Variants in ZNF385B observed in about 807,000 individuals in gnomAD.
The protein encoded by ZNF385B is zinc finger protein 385B.
In ZNF385B, 23 loss-of-function variants were observed where a neutral mutation model predicts 39.2. That is an observed-to-expected ratio of 0.59 (90% CI 0.42 to 0.83). The LOEUF is 0.83. Ranked by LOEUF, ZNF385B falls within the 40% of genes least tolerant of loss-of-function variation. ZNF385B has a pLI of 0.00. For missense variants in ZNF385B, 552 were observed against 598.9 expected, an observed-to-expected ratio of 0.92 and a Z score of 0.82; for synonymous variants, 205 against 222.6, an observed-to-expected ratio of 0.92 and a Z score of 0.70.
chr2:179,803,469 A>G (rs1318388100), intron 1 of ZNF385B, among the ~76,000 whole-genome samples: 1 of 152,206 alleles, frequency 6.6e-6, no homozygotes, highest in Non-Finnish European at 1.5e-5. Context: ...GTCTTAATAT[A>G]AACATCAGCT....
At chr2:179,628,354 C>A (rs1515275) in intron 3 of ZNF385B, among the ~76,000 whole-genome samples, 57,915 of 151,866 alleles carry the variant, frequency 0.38, 11,202 homozygotes, top group African/African-American at 0.45. Context: ...TAGTCCTCCC[C>A]CTTTTTTATC....
At position 179,553,204 on chromosome 2, in the gene ZNF385B, A is replaced by G. The variant is rs1048566939; in HGVS notation, c.299-8235T>C. On this transcript the variant is annotated intron_variant, in intron 3 of 9. Coordinates refer to ENST00000410066, the MANE Select transcript of ZNF385B (RefSeq NM_152520.6). ...AAATACTGGACCTCCAAACAGATAT[A>G]GTATTCAACTGGGAATTAGTTGAAA... is the stretch of plus-strand genomic sequence containing the variant. Among the ~76,000 whole-genome samples, 3 of 149,326 alleles carry G rather than the reference A, an allele frequency of 2.0e-5. 1 individual carries two copies. Among genetic ancestry groups the G allele is most frequent in the African/African-American group, 5.0e-5 (2 of 39,660 alleles).
chr2:179,595,168 G>GA (rs1213738559), intron 3 of ZNF385B, among the ~76,000 whole-genome samples: 4 of 152,072 alleles, frequency 2.6e-5, no homozygotes, highest in Non-Finnish European at 5.9e-5. Context: ...ATGAAGATCT[G>GA]AAACTAGGAA....
intron 3 of ZNF385B, among the ~76,000 whole-genome samples, chr2:179,717,595 G>C (rs1381316988): frequency 6.6e-6 from 1 of 152,158 alleles, no homozygotes; most frequent in South Asian, 2.1e-4. Flanking sequence ...AGCTAGCCAG[G>C]CTAGGTGGTA....
chr2:179,538,278 T>C (rs2059708796), intron 4 of ZNF385B, among the ~76,000 whole-genome samples: 1 of 152,076 alleles, frequency 6.6e-6, no homozygotes, highest in Non-Finnish European at 1.5e-5. Flanking sequence ...AATTTAAAAA[T>C]ATACAAATAA....
intron 5 of ZNF385B, among the ~76,000 whole-genome samples, chr2:179,497,295 C>T (rs1242222107): frequency 6.6e-6 from 1 of 151,988 alleles, no homozygotes; most frequent in Non-Finnish European, 1.5e-5. Context: ...TACTCTTAGC[C>T]TAAGTAGAAA....
In ZNF385B at chr2:179,644,155, C is replaced by T. The variant is rs142958441; in HGVS notation, c.299-99186G>A. On this transcript the variant is annotated intron_variant, in intron 3 of 9. Transcript: ENST00000410066. ...TTGCTTCCAGTTTGGCTTCTAACTA[C>T]TATATAGGAAAGCAGACATAATCCA... Among the ~76,000 whole-genome samples, 413 of 152,160 alleles carry T rather than the reference C, an allele frequency of 2.7e-3. 3 individuals carry two copies. The highest frequency in any genetic ancestry group is 9.4e-3 in the African/African-American group (389 of 41,526).
intron 3 of ZNF385B, among the ~76,000 whole-genome samples, chr2:179,657,306 G>C (rs1339972104): frequency 6.6e-6 from 1 of 152,186 alleles, no homozygotes; most frequent in Non-Finnish European, 1.5e-5. Context: ...TGCTTGTAAA[G>C]AATTTGCTGT....
chr2:179,665,401 A>G (rs1303746153), intron 3 of ZNF385B, among the ~76,000 whole-genome samples: 4 of 152,192 alleles, frequency 2.6e-5, no homozygotes, highest in African/African-American at 9.6e-5. Flanking sequence ...ACTGGCTTAC[A>G]TGCATGATTT....
intron 4 of ZNF385B, among the ~76,000 whole-genome samples, chr2:179,541,976 A>G (rs557207854): frequency 1.3e-5 from 2 of 152,306 alleles, no homozygotes; most frequent in South Asian, 4.1e-4. Context: ...CTTCCTCTAG[A>G]CAATAAGAGT....
intron 1 of ZNF385B, chr2:179,860,873 C>G (rs1256114438): frequency 9.6e-5 from 30 of 313,082 alleles, no homozygotes; most frequent in South Asian, 2.2e-4. Flanking sequence ...ACTCCAGGGA[C>G]TCGCAGGAGT....
At chr2:179,466,915 C>CAAAAAAAAAAAA (rs777679885) in intron 6 of ZNF385B, among the ~76,000 whole-genome samples, 1 of 26,936 alleles carries the variant, frequency 3.7e-5, no homozygotes, top group African/African-American at 1.5e-4. Context: ...GCAAGACTGT[C>CAAAAAAAAAAAA]AAAAAAAAAA....
intron 3 of ZNF385B, among the ~76,000 whole-genome samples, chr2:179,754,524 T>C (rs915600632): frequency 5.3e-5 from 8 of 152,222 alleles, no homozygotes; most frequent in Non-Finnish European, 1.2e-4. Flanking sequence ...TTCCTCCTTG[T>C]ACCTCTGGTA....
intron 3 of ZNF385B, among the ~76,000 whole-genome samples, chr2:179,575,084 C>T (rs1391745314): frequency 2.0e-5 from 3 of 152,040 alleles, no homozygotes; most frequent in African/African-American, 4.8e-5. Context: ...ATCTCTCTGC[C>T]AATGACTGCT....
At chr2:179,834,953 T>C (rs1708170305) in intron 1 of ZNF385B, among the ~76,000 whole-genome samples, 1 of 152,180 alleles carries the variant, frequency 6.6e-6, no homozygotes, top group Admixed American at 6.5e-5. Context: ...GCAGAGCAGT[T>C]GGCTTGTCTC....
At chr2:179,808,817 C>T (rs933702097) in intron 1 of ZNF385B, among the ~76,000 whole-genome samples, 2 of 152,096 alleles carry the variant, frequency 1.3e-5, no homozygotes, top group African/African-American at 4.8e-5. Context: ...AACATTACAG[C>T]TTTGCAAAAA....
intron 3 of ZNF385B, among the ~76,000 whole-genome samples, chr2:179,757,698 G>A (rs550112871): frequency 9.8e-5 from 15 of 152,290 alleles, no homozygotes; most frequent in African/African-American, 3.6e-4. Context: ...CCACCTTGCA[G>A]TTTGATCTCA....
At chr2:179,782,126 C>A (rs1043505595) in intron 1 of ZNF385B, among the ~76,000 whole-genome samples, 46 of 152,048 alleles carry the variant, frequency 3.0e-4, no homozygotes, top group Admixed American at 2.0e-3. Context: ...CTTCAAAAAG[C>A]GAATCTACCA....
At chr2:179,462,825 T>G (rs2051495757) in intron 6 of ZNF385B, among the ~76,000 whole-genome samples, 1 of 152,152 alleles carries the variant, frequency 6.6e-6, no homozygotes, top group Non-Finnish European at 1.5e-5. Flanking sequence ...CTTACTTTAT[T>G]AGATATTTTC....
Sources: allele counts gnomAD v4.1 joint callset (sites outside exome capture counted in the v4.1 genomes callset), GRCh38; gene constraint gnomAD v4.1.1; transcripts MANE v1.5; gene names NCBI Gene and HGNC (gene_info 2026-07-23, HGNC 2026-07-21).